EIF2AK3: variants seen among roughly 807,000 people sequenced by gnomAD.
The protein encoded by EIF2AK3 is eukaryotic translation initiation factor 2 alpha kinase 3.
A neutral mutation model predicts 113.5 loss-of-function variants in EIF2AK3; 50 were observed. The observed-to-expected ratio is 0.44, with a 90% confidence interval of 0.35 to 0.56. The LOEUF is 0.56. Among genes scored for constraint, EIF2AK3 ranks in the 20% least tolerant of loss-of-function variants. The probability of loss-of-function intolerance (pLI) is 0.00; values close to 1 mark genes in which losing one functional copy is unlikely to be tolerated. For synonymous variants in EIF2AK3, 448 were observed against 495.4 expected (o/e 0.90, Z 1.27); for missense variants, 1,185 against 1,378.0 (o/e 0.86, Z 2.22).
intron 14 of EIF2AK3, among the ~76,000 whole-genome samples, chr2:88,568,166 C>T (rs1013205672): frequency 6.6e-5 from 10 of 152,150 alleles, no homozygotes; most frequent in African/African-American, 2.4e-4. Context: ...CAAACTTGCC[C>T]TCCTCAAAGG....
At chr2:88,593,180 T>C (rs1447994759) in intron 4 of EIF2AK3, 92 bp downstream of exon 4, 14 of 1,504,210 alleles carry the variant, frequency 9.3e-6, no homozygotes, top group Admixed American at 3.4e-5. Context: ...GGCAACAAAA[T>C]AGTCAAAATC....
chr2:88,558,842 C>T, intron 16 of EIF2AK3, 75 bp downstream of exon 16: 1 of 1,204,702 alleles, frequency 8.3e-7, no homozygotes. Context: ...ATAGGGGAAA[C>T]TGAGTCGACT....
chr2:88,568,245 GTCCATGGAT>G (rs1674194888), intron 14 of EIF2AK3, among the ~76,000 whole-genome samples: 1 of 152,062 alleles, frequency 6.6e-6, no homozygotes. Flanking sequence ...TTGAAGTATG[GTCCATGGAT>G]TCCTCGGGAC....
Position 88,575,237 on chromosome 2 carries a change from T to C in EIF2AK3, c.2246A>G (p.Glu749Gly). The stretch of plus-strand genomic sequence containing the variant: ...TGCATCCACTGACTCACTGATGTCC[T>C]CATGGTCCATTCCTGAGAATTCCAG... ...SPLEFSGMDH[E>G]DISESVDAAY... The change falls in exon 13 of 17, where the codon GAG becomes GGG. Residue 749 changes from glutamate to glycine, a missense_variant. Glu to Gly is a moderately conservative substitution (Grantham distance 98). Coordinates refer to ENST00000303236, the MANE Select transcript of EIF2AK3 (RefSeq NM_004836.7). The C allele has an allele frequency of 6.2e-7, 1 of 1,613,670 alleles. No homozygotes were observed. Among genetic ancestry groups the C allele is most frequent in the East Asian group, 2.2e-5 (1 of 44,884 alleles).
rs1034090328 is a variant in EIF2AK3 at position 88,591,000 on chromosome 2, T to C, written c.820A>G (p.Thr274Ala). ...GTGCTTTCAATAAATCCGGCTCTCG[T>C]TTCCATGTCTGGAATATACCGAAGT... Reference protein sequence around the residue: ...FELRYIPDMETRAGFIESTFK... With the variant: ...FELRYIPDMEARAGFIESTFK... The change falls in exon 5 of 17, where the codon ACG (threonine) becomes GCG (alanine). Residue 274 changes from threonine (T) to alanine (A), a missense_variant. By Grantham distance (58) the Thr-to-Ala change is moderately conservative. Around this residue, in one of 3 missense-constraint regions of EIF2AK3, gnomAD observed 877 missense variants for 1,024.2 expected, o/e 0.86. Coordinates refer to ENST00000303236, the MANE Select transcript of EIF2AK3 (RefSeq NM_004836.7). 5.6e-6 allele frequency: 9 copies of C among 1,614,160 alleles called. No individual in the cohort carries two copies. The highest frequency in any genetic ancestry group is 7.6e-6 in the Non-Finnish European group (9 of 1,179,994).
intron 16 of EIF2AK3, among the ~76,000 whole-genome samples, chr2:88,558,436 C>T (rs1054126880): frequency 3.3e-5 from 5 of 152,066 alleles, no homozygotes; most frequent in Non-Finnish European, 4.4e-5. Context: ...TCTCTTTGAA[C>T]GTAACATGTA....
intron 2 of EIF2AK3, among the ~76,000 whole-genome samples, chr2:88,607,389 C>T (rs1675305247): frequency 6.6e-6 from 1 of 152,230 alleles, no homozygotes; most frequent in African/African-American, 2.4e-5. Flanking sequence ...AAATATTATG[C>T]TTAGAACCTA....
chr2:88,585,163 CACAT>C (rs1439494803), intron 9 of EIF2AK3, among the ~76,000 whole-genome samples: 1 of 151,942 alleles, frequency 6.6e-6, no homozygotes, highest in Non-Finnish European at 1.5e-5. Context: ...TGAAAACTGA[CACAT>C]AGAGAAGAAG....
intron 2 of EIF2AK3, among the ~76,000 whole-genome samples, chr2:88,607,967 A>G (rs1368646003): frequency 6.6e-6 from 1 of 152,206 alleles, no homozygotes; most frequent in Non-Finnish European, 1.5e-5. Flanking sequence ...TAATTTAGCC[A>G]GTTCACACAG....
intron 14 of EIF2AK3, among the ~76,000 whole-genome samples, chr2:88,568,873 T>C (rs1389025709): frequency 6.6e-6 from 1 of 152,210 alleles, no homozygotes; most frequent in Admixed American, 6.5e-5. Flanking sequence ...ACTACAGTTA[T>C]TGAGACTTGG....
intron 14 of EIF2AK3, among the ~76,000 whole-genome samples, chr2:88,570,184 G>C (rs1321922530): frequency 6.6e-6 from 1 of 152,108 alleles, no homozygotes; most frequent in South Asian, 2.1e-4. Context: ...AATATCGATA[G>C]ATAAAATTTT....
At chr2:88,601,921 G>A (rs1181414018) in intron 2 of EIF2AK3, among the ~76,000 whole-genome samples, 2 of 137,318 alleles carry the variant, frequency 1.5e-5, no homozygotes, top group African/African-American at 2.8e-5. Flanking sequence ...GCGCAATCTC[G>A]GCTCACTGCA....
chr2:88,594,638 G>C (rs1003848550), intron 3 of EIF2AK3, among the ~76,000 whole-genome samples: 1 of 152,236 alleles, frequency 6.6e-6, no homozygotes. Context: ...TTGTCAGATA[G>C]ATCTAAGTTA....
chr2:88,563,867 GAA>G (rs1368657231), intron 14 of EIF2AK3, among the ~76,000 whole-genome samples: 2 of 152,102 alleles, frequency 1.3e-5, no homozygotes, highest in South Asian at 4.1e-4. Flanking sequence ...CACAGAGAGA[GAA>G]AAGGAAATAA....
intron 8 of EIF2AK3, 59 bp from the exon 9 acceptor site, chr2:88,586,120 T>C (rs1372564009): frequency 1.5e-6 from 2 of 1,340,434 alleles, no homozygotes; most frequent in African/African-American, 2.9e-5. Flanking sequence ...GGCCCGTCTT[T>C]AACTATTAAA....
intron 1 of EIF2AK3, among the ~76,000 whole-genome samples, chr2:88,624,586 T>C (rs1290572313): frequency 6.6e-6 from 1 of 152,156 alleles, no homozygotes; most frequent in Non-Finnish European, 1.5e-5. Flanking sequence ...AAAAGGCATT[T>C]CCTGAGGTTT....
In EIF2AK3 at chr2:88,627,086, G is replaced by T. The variant is rs1201941498; in HGVS notation, c.189C>A (p.Gly63=). The change falls in exon 1 of 17, where the codon GGC becomes GGA. Residue 63 remains glycine, a synonymous_variant. Transcript: ENST00000303236. ...CAGTCACCTCGGCCGCAGCCACGGC[G>T]CCCGCCGCCGGTACTCGCGTCGCTG... ...PTSATRVPAA[G]AVAAAEVTVE... 6.4e-7 allele frequency: 1 copy of T among 1,551,298 alleles called. No individual in the cohort carries two copies. The highest frequency in any genetic ancestry group is 8.6e-7 in the Non-Finnish European group (1 of 1,157,346).
At position 88,590,531 on chromosome 2, in the gene EIF2AK3, T is replaced by G. The variant is rs775085012; in HGVS notation, c.1077A>C (p.Thr359=). 1.9e-6 allele frequency: 3 copies of G among 1,613,738 alleles called. No homozygotes were observed. Among genetic ancestry groups the G allele is most frequent in the Non-Finnish European group, 1.7e-6 (2 of 1,179,924 alleles). The change falls in exon 6 of 17, where the codon ACA becomes ACC. Residue 359 remains threonine, a synonymous_variant. Coordinates refer to ENST00000303236, the MANE Select transcript of EIF2AK3 (RefSeq NM_004836.7). Reference sequence around the variant, plus strand: ...AAACATCATCATTAGATGTATAACTTGTATCATCAAAAAGACTGATGGGAA... The same window carrying G: ...AAACATCATCATTAGATGTATAACTGGTATCATCAAAAAGACTGATGGGAA... ...KVIPISLFDD[T]SYTSNDDVLE... is the part of the protein sequence containing the mutation.
intron 2 of EIF2AK3, among the ~76,000 whole-genome samples, chr2:88,604,169 C>G (rs1000442159): frequency 2.0e-5 from 3 of 152,070 alleles, no homozygotes; most frequent in African/African-American, 4.8e-5. Context: ...CCACTTAAAC[C>G]TTCAATGGTT....
Sources: allele counts gnomAD v4.1 joint callset (sites outside exome capture counted in the v4.1 genomes callset), GRCh38; gene constraint gnomAD v4.1.1; regional missense constraint gnomAD v4.1.1; transcripts MANE v1.5; gene names NCBI Gene and HGNC (gene_info 2026-07-23, HGNC 2026-07-21).